SLC44A5: variants seen among roughly 807,000 people sequenced by gnomAD.
SLC44A5 encodes choline transporter-like protein 5.
Under a neutral mutation model 101.8 loss-of-function variants are expected in SLC44A5, and 57 were observed. That is an observed-to-expected ratio of 0.56 (90% confidence interval 0.45 to 0.70). The LOEUF (loss-of-function observed/expected upper bound fraction) is 0.70, where lower values mean the gene tolerates loss of function less well. Among genes scored for constraint, SLC44A5 ranks in the 30% least tolerant of loss-of-function variants. The probability of loss-of-function intolerance (pLI) is 0.00; values close to 1 mark genes in which losing one functional copy is unlikely to be tolerated. For missense variants in SLC44A5, 737 were observed against 853.1 expected, an observed-to-expected ratio of 0.86 and a Z score of 1.70; for synonymous variants, 281 against 290.9, an observed-to-expected ratio of 0.97 and a Z score of 0.35.
At chr1:75,647,488 C>T in the SLC44A5 span, among the ~76,000 whole-genome samples, 1 of 152,182 alleles carries the variant, frequency 6.6e-6, no homozygotes, top group Non-Finnish European at 1.5e-5. Flanking sequence ...GGCCACCACC[C>T]TCCAGACCCC....
chr1:75,499,879 C>T (rs1293383180), intron 2 of SLC44A5, among the ~76,000 whole-genome samples: 1 of 152,118 alleles, frequency 6.6e-6, no homozygotes, highest in Admixed American at 6.5e-5. Context: ...ACTTTCTAGC[C>T]TCCTTTGTAG....
At chr1:75,526,807 TAAC>T (rs1183578872) in intron 2 of SLC44A5, among the ~76,000 whole-genome samples, 8 of 152,074 alleles carry the variant, frequency 5.3e-5, no homozygotes, top group Non-Finnish European at 1.0e-4. Flanking sequence ...CTACTTAACA[TAAC>T]AACAAGCACA....
chr1:75,633,097 T>C, the SLC44A5 span, among the ~76,000 whole-genome samples: 1 of 152,300 alleles, frequency 6.6e-6, no homozygotes, highest in East Asian at 1.9e-4. Context: ...GTCTGGGACA[T>C]AGTAATTACT....
Position 75,499,399 on chromosome 1 carries a change from A to G in SLC44A5, c.13+42036T>C, listed in dbSNP as rs181784305. ...ATCTAATGCCACCTCTGATCTTGAC[A>G]GGAGGCAGAACTCAGGCAGTAATGC... On this transcript the variant is annotated intron_variant, in intron 2 of 23. Coordinates refer to ENST00000370859, the MANE Select transcript of SLC44A5 (RefSeq NM_001130058.2). 2.0e-5 allele frequency among the ~76,000 whole-genome samples: 3 copies of G among 152,326 alleles called. No individual in the cohort carries two copies. The East Asian group carries it at 5.8e-4, about 29-fold the overall frequency.
intron 2 of SLC44A5, among the ~76,000 whole-genome samples, chr1:75,477,158 C>A (rs1221137723): frequency 2.0e-5 from 3 of 152,188 alleles, no homozygotes; most frequent in African/African-American, 7.2e-5. Flanking sequence ...TGGAGTGGAC[C>A]CCTAGCAAAC....
At chr1:75,348,912 A>G (rs1328171141) in intron 3 of SLC44A5, among the ~76,000 whole-genome samples, 1 of 152,258 alleles carries the variant, frequency 6.6e-6, no homozygotes, top group Non-Finnish European at 1.5e-5. Flanking sequence ...AACGAAAGTC[A>G]CAGCAAATGA....
chr1:75,409,933 T>C (rs1014729508), intron 2 of SLC44A5, among the ~76,000 whole-genome samples: 2 of 152,120 alleles, frequency 1.3e-5, no homozygotes, highest in Non-Finnish European at 2.9e-5. Flanking sequence ...CATACATACA[T>C]ATATACTTGC....
intron 2 of SLC44A5, among the ~76,000 whole-genome samples, chr1:75,450,867 A>T (rs1337509798): frequency 6.6e-6 from 1 of 152,144 alleles, no homozygotes; most frequent in African/African-American, 2.4e-5. Flanking sequence ...AACTCCAGGT[A>T]TTTGGGGCAT....
At chr1:75,218,803 G>T in intron 16 of SLC44A5, 51 bp from the exon 17 acceptor site, 1 of 1,523,894 alleles carries the variant, frequency 6.6e-7, no homozygotes, top group Non-Finnish European at 8.9e-7. Flanking sequence ...ATCACTCCAA[G>T]ATAACAACTC....
At chr1:75,463,075 A>G (rs1433189336) in intron 2 of SLC44A5, among the ~76,000 whole-genome samples, 1 of 152,170 alleles carries the variant, frequency 6.6e-6, no homozygotes, top group Non-Finnish European at 1.5e-5. Context: ...TAACCCAAAG[A>G]AGTCTGTCTC....
rs144350247 is a variant in SLC44A5 at position 75,591,417 on chromosome 1, G to A, written c.-70+19623C>T. 1.5e-3 allele frequency among the ~76,000 whole-genome samples: 222 copies of A among 152,204 alleles called. 2 individuals are homozygous for A. The highest frequency in any genetic ancestry group is 5.2e-3 in the African/African-American group (215 of 41,528). On this transcript the variant is annotated intron_variant, in intron 1 of 23. Coordinates refer to ENST00000370859, the MANE Select transcript of SLC44A5 (RefSeq NM_001130058.2). ...AGAGTGGTTAAACCCACTTGATCACGGTGGAGTATCTTTTTGATATGCTGT... is the reference window on the plus strand; with the variant it reads ...AGAGTGGTTAAACCCACTTGATCACAGTGGAGTATCTTTTTGATATGCTGT...
the SLC44A5 span, among the ~76,000 whole-genome samples, chr1:75,651,077 T>G: frequency 1.3e-5 from 2 of 152,218 alleles, no homozygotes; most frequent in Non-Finnish European, 2.9e-5. Flanking sequence ...ATAATTTAAT[T>G]GGCTTAACTG....
intron 3 of SLC44A5, among the ~76,000 whole-genome samples, chr1:75,355,994 C>T (rs749377824): frequency 2.0e-5 from 3 of 151,760 alleles, no homozygotes; most frequent in Non-Finnish European, 4.4e-5. Flanking sequence ...GGCAGATCAT[C>T]TGAGGTCAGG....
At chr1:75,353,329 A>G in intron 3 of SLC44A5, among the ~76,000 whole-genome samples, 1 of 152,202 alleles carries the variant, frequency 6.6e-6, no homozygotes, top group East Asian at 1.9e-4. Flanking sequence ...TAACTTTAGC[A>G]AGTCACTTCT....
intron 2 of SLC44A5, among the ~76,000 whole-genome samples, chr1:75,456,210 T>C (rs1442069901): frequency 6.6e-6 from 1 of 152,092 alleles, no homozygotes; most frequent in Non-Finnish European, 1.5e-5. Context: ...TGCAGCAACA[T>C]GGAAGCAGCT....
intron 5 of SLC44A5, among the ~76,000 whole-genome samples, chr1:75,293,410 T>C (rs1482828123): frequency 6.6e-6 from 1 of 152,168 alleles, no homozygotes; most frequent in African/African-American, 2.4e-5. Context: ...GCATATCTGT[T>C]TGGGGCAGGG....
intron 1 of SLC44A5, among the ~76,000 whole-genome samples, chr1:75,594,588 G>A (rs537912595): frequency 1.6e-4 from 25 of 152,014 alleles, no homozygotes; most frequent in African/African-American, 2.4e-4. Context: ...TAATGAAATC[G>A]TCAAGTGATA....
chr1:75,518,535 T>A (rs963206812), intron 2 of SLC44A5, among the ~76,000 whole-genome samples: 2 of 152,152 alleles, frequency 1.3e-5, no homozygotes, highest in African/African-American at 4.8e-5. Context: ...GAGTACTCAA[T>A]AGATGTTGCT....
Position 75,554,707 on chromosome 1 carries a change from G to C in SLC44A5, c.-69-13191C>G, listed in dbSNP as rs755874087. ...AAGCCATGTTAGGAGTTTAAATTTAGTACCAGAAAAAAATGGACAGTCATT... is the reference window on the plus strand; with the variant it reads ...AAGCCATGTTAGGAGTTTAAATTTACTACCAGAAAAAAATGGACAGTCATT... On this transcript the variant is annotated intron_variant, in intron 1 of 23. Coordinates refer to ENST00000370859, the MANE Select transcript of SLC44A5 (RefSeq NM_001130058.2). Among the ~76,000 whole-genome samples, 73 of 152,014 alleles carry C rather than the reference G, an allele frequency of 4.8e-4. No individual in the cohort carries two copies. In the Middle Eastern group the frequency reaches 0.014, roughly 29 times the overall value.
Sources: allele counts gnomAD v4.1 joint callset (sites outside exome capture counted in the v4.1 genomes callset), GRCh38; gene constraint gnomAD v4.1.1; transcripts MANE v1.5; gene names NCBI Gene and HGNC (gene_info 2026-07-23, HGNC 2026-07-21).